Variants in RIMS2 observed in about 807,000 individuals in gnomAD.
RIMS2 encodes regulating synaptic membrane exocytosis protein 2.
In RIMS2, 59 loss-of-function variants were observed where a neutral mutation model predicts 174.4. That is an observed-to-expected ratio of 0.34 (90% CI 0.27 to 0.42). The LOEUF is 0.42. RIMS2 is among the 10% of genes least tolerant of loss of function. RIMS2 has a pLI of 1.00. For missense variants in RIMS2, 1,620 were observed against 1,666.3 expected (o/e 0.97, Z 0.48); for synonymous variants, 606 against 572.5 (o/e 1.06, Z -0.84).
intron 2 of RIMS2, among the ~76,000 whole-genome samples, chr8:103,716,606 T>C (rs1379141458): frequency 2.0e-5 from 3 of 152,034 alleles, no homozygotes; most frequent in Admixed American, 6.6e-5. Flanking sequence ...GGAAACCTCA[T>C]AGTATTCCTC....
intron 1 of RIMS2, among the ~76,000 whole-genome samples, chr8:103,506,378 A>T (rs1405543815): frequency 6.6e-6 from 1 of 152,176 alleles, no homozygotes; most frequent in African/African-American, 2.4e-5. Flanking sequence ...GTGATAAACC[A>T]GATGAACTTT....
intron 1 of RIMS2, among the ~76,000 whole-genome samples, chr8:103,505,293 G>A (rs1299961571): frequency 6.6e-6 from 1 of 152,146 alleles, no homozygotes; most frequent in African/African-American, 2.4e-5. Context: ...GTCTGTATAT[G>A]TGTGTATGTG....
In RIMS2 at chr8:104,118,449, C is replaced by A. The variant is rs572374126; in HGVS notation, c.3334+103834C>A. 2.0e-5 allele frequency among the ~76,000 whole-genome samples: 3 copies of A among 151,174 alleles called. No individual in the cohort carries two copies. The East Asian group carries it at 5.8e-4, about 29-fold the overall frequency. ...TGGCGCAATCTCAGCTCACTGCAGC[C>A]TCCATCTCCCAGGTTCAAGCAATTC... is the stretch of plus-strand genomic sequence containing the variant. On this transcript the variant is annotated intron_variant, in intron 19 of 23. Transcript: ENST00000504942.
At chr8:104,027,640 G>A (rs11989120) in intron 19 of RIMS2, among the ~76,000 whole-genome samples, 147 of 152,300 alleles carry the variant, frequency 9.7e-4, no homozygotes, top group African/African-American at 3.3e-3. Context: ...TGTACTAACT[G>A]TGTGACTCTA....
intron 3 of RIMS2, chr8:103,768,405 T>G (rs2098205497): frequency 2.7e-6 from 2 of 748,474 alleles, no homozygotes; most frequent in Admixed American, 3.5e-5. Context: ...GATGCTCTGG[T>G]TGAAGAATGG....
chr8:103,611,986 C>G (rs1189110975), intron 1 of RIMS2, among the ~76,000 whole-genome samples: 1 of 149,936 alleles, frequency 6.7e-6, no homozygotes, highest in Admixed American at 6.6e-5. Context: ...TCTCTTTTGT[C>G]TTCTCTGAGC....
chr8:104,191,988 T>C (rs765556898), intron 19 of RIMS2, among the ~76,000 whole-genome samples: 4 of 152,150 alleles, frequency 2.6e-5, no homozygotes, highest in Non-Finnish European at 5.9e-5. Flanking sequence ...AGAAAAATAT[T>C]TGTTCCCAGA....
At chr8:103,926,964 C>T (rs2078899486) in intron 10 of RIMS2, among the ~76,000 whole-genome samples, 2 of 151,420 alleles carry the variant, frequency 1.3e-5, no homozygotes, top group Non-Finnish European at 3.0e-5. Context: ...CACTATCTTG[C>T]TTTTTGTTTG....
intron 3 of RIMS2, among the ~76,000 whole-genome samples, chr8:103,879,709 C>T (rs1429151473): frequency 2.0e-5 from 3 of 151,520 alleles, no homozygotes; most frequent in Non-Finnish European, 3.0e-5. Context: ...TTTAAACTTG[C>T]TGTTTGTGAG....
chr8:104,032,067 A>G (rs180713262), intron 19 of RIMS2, among the ~76,000 whole-genome samples: 1 of 152,196 alleles, frequency 6.6e-6, no homozygotes. Flanking sequence ...ATATTTGATT[A>G]TGTTGACTAA....
intron 16 of RIMS2, among the ~76,000 whole-genome samples, chr8:103,985,897 T>C (rs1054855778): frequency 6.6e-6 from 1 of 152,162 alleles, no homozygotes; most frequent in Non-Finnish European, 1.5e-5. Flanking sequence ...ATCTAACTTA[T>C]ATATAGAATC....
intron 19 of RIMS2, among the ~76,000 whole-genome samples, chr8:104,138,549 C>T (rs1251887366): frequency 6.6e-6 from 1 of 152,020 alleles, no homozygotes; most frequent in Non-Finnish European, 1.5e-5. Flanking sequence ...TTCTCATGTA[C>T]CTGTTTGCCA....
intron 19 of RIMS2, among the ~76,000 whole-genome samples, chr8:104,175,507 A>G (rs1381152482): frequency 6.6e-6 from 1 of 152,134 alleles, no homozygotes; most frequent in Non-Finnish European, 1.5e-5. Flanking sequence ...GCTGACTGTA[A>G]TCACTCTGTT....
intron 4 of RIMS2, among the ~76,000 whole-genome samples, chr8:103,900,279 A>G (rs1008135480): frequency 1.3e-5 from 2 of 151,634 alleles, no homozygotes; most frequent in African/African-American, 4.9e-5. Flanking sequence ...ACTGGAGTGC[A>G]ATGGTGTGAT....
chr8:103,523,137 G>A (rs1338633839), intron 1 of RIMS2, among the ~76,000 whole-genome samples: 1 of 151,344 alleles, frequency 6.6e-6, no homozygotes, highest in Non-Finnish European at 1.5e-5. Context: ...TGTGTGTGCA[G>A]TATGAGAGAT....
chr8:104,213,883 A>G (rs2099117045), intron 19 of RIMS2, among the ~76,000 whole-genome samples: 2 of 141,412 alleles, frequency 1.4e-5, no homozygotes, highest in Non-Finnish European at 3.0e-5. Context: ...CTCGGAAAAA[A>G]AAAAAAAGAA....
At chr8:104,061,028 G>A (rs2096976321) in intron 19 of RIMS2, among the ~76,000 whole-genome samples, 1 of 152,136 alleles carries the variant, frequency 6.6e-6, no homozygotes, top group Admixed American at 6.5e-5. Flanking sequence ...GTGTGGTGCT[G>A]AAAAAAATGT....
Position 104,095,643 on chromosome 8 carries a change from A to C in RIMS2, c.3334+81028A>C, listed in dbSNP as rs573878476. Among the ~76,000 whole-genome samples the C allele has an allele frequency of 1.5e-3, 228 of 152,204 alleles. 1 individual carries two copies. The highest frequency in any genetic ancestry group is 2.8e-3 in the Non-Finnish European group (190 of 68,014). ...TGCTTGAGGATATGACGTTATTCTAATTACATTTATATGAGACTGAAAATT... is the reference window on the plus strand; with the variant it reads ...TGCTTGAGGATATGACGTTATTCTACTTACATTTATATGAGACTGAAAATT... On this transcript the variant is annotated intron_variant, in intron 19 of 23. Transcript: ENST00000504942.
intron 2 of RIMS2, among the ~76,000 whole-genome samples, chr8:103,704,647 T>G (rs1183420588): frequency 6.6e-6 from 1 of 152,076 alleles, no homozygotes; most frequent in Non-Finnish European, 1.5e-5. Context: ...TCAATCTTTT[T>G]ACTTATATTG....
Sources: gnomAD v4.1 joint callset for allele counts (sites outside exome capture counted in the v4.1 genomes callset) on GRCh38, gnomAD v4.1.1 for gene constraint, MANE v1.5 for transcripts, NCBI Gene and HGNC (gene_info 2026-07-23, HGNC 2026-07-21) for gene names.